SRRM4: variants seen among roughly 807,000 people sequenced by gnomAD.
The protein encoded by SRRM4 is serine/arginine repetitive matrix protein 4.
SRRM4 carries 33 observed loss-of-function variants against 68.9 expected under a neutral mutation model. That is an observed-to-expected ratio of 0.48 (90% CI 0.36 to 0.64). The LOEUF (loss-of-function observed/expected upper bound fraction) is 0.64, where lower values mean the gene tolerates loss of function less well. Ranked by LOEUF, SRRM4 falls within the 30% of genes least tolerant of loss-of-function variation. SRRM4 has a pLI of 0.00. For missense variants in SRRM4, 817 were observed against 827.1 expected (o/e 0.99, Z 0.15); for synonymous variants, 318 against 318.8 (o/e 1.00, Z 0.03).
intron 1 of SRRM4, among the ~76,000 whole-genome samples, chr12:118,998,484 C>T (rs755230195): frequency 6.6e-6 from 1 of 152,138 alleles, no homozygotes. Flanking sequence ...TTTCCCCCAC[C>T]TGGAAGGGGA....
intron 1 of SRRM4, among the ~76,000 whole-genome samples, chr12:119,099,393 C>A (rs1318114136): frequency 1.3e-5 from 2 of 152,186 alleles, no homozygotes; most frequent in Non-Finnish European, 2.9e-5. Context: ...CTCGGCCTCC[C>A]GAAGTGCTGG....
chr12:119,124,674 T>C (rs1954245877), intron 6 of SRRM4, among the ~76,000 whole-genome samples: 1 of 152,186 alleles, frequency 6.6e-6, no homozygotes, highest in African/African-American at 2.4e-5. Context: ...GTTGTTCTAA[T>C]TTTTGTTTTT....
chr12:119,057,501 C>T (rs1011039850), intron 1 of SRRM4, among the ~76,000 whole-genome samples: 11 of 152,214 alleles, frequency 7.2e-5, no homozygotes, highest in Admixed American at 3.9e-4. Flanking sequence ...CAGCTCCAAC[C>T]GTGTCCCTGC....
chr12:119,093,600 C>G lies in SRRM4; in HGVS notation c.132-8636C>G, dbSNP rs549978344. ...AACTGTGTCTGCAATTCCAGCTGATCCCCAGGGGACCCTGGGCTGGAAGGA... is the reference window on the plus strand; with the variant it reads ...AACTGTGTCTGCAATTCCAGCTGATGCCCAGGGGACCCTGGGCTGGAAGGA... On this transcript the variant is annotated intron_variant, in intron 1 of 12. Transcript: ENST00000267260. Among the ~76,000 whole-genome samples, 299 of 152,322 alleles carry G rather than the reference C, an allele frequency of 2.0e-3. 1 individual carries two copies. Among genetic ancestry groups the G allele is most frequent in the Non-Finnish European group, 3.6e-3 (245 of 68,028 alleles).
intron 1 of SRRM4, among the ~76,000 whole-genome samples, chr12:119,021,740 C>T (rs781511150): frequency 2.0e-5 from 3 of 152,182 alleles, no homozygotes; most frequent in Non-Finnish European, 4.4e-5. Flanking sequence ...TCATCCATGT[C>T]TCTGCCAAAG....
rs557138119 is a variant in SRRM4 at position 119,068,517 on chromosome 12, G to A, written c.132-33719G>A. ...GCTGGGCAGCTGCAGTGAGGGTGGG[G>A]GCGCCTCATCCAAACTCCACTTTCT... On this transcript the variant is annotated intron_variant, in intron 1 of 12. Transcript: ENST00000267260. Among the ~76,000 whole-genome samples the A allele has an allele frequency of 3.3e-5, 5 of 152,266 alleles. 1 individual carries two copies. In the South Asian group the frequency reaches 8.3e-4, roughly 25 times the overall value.
At position 119,156,489 on chromosome 12, in the gene SRRM4, C is replaced by T; in HGVS notation, c.1533-6C>T. 1 of 1,595,948 alleles carries T rather than the reference C, an allele frequency of 6.3e-7. No homozygotes were observed. The highest frequency in any genetic ancestry group is 8.5e-7 in the Non-Finnish European group (1 of 1,171,116). On this transcript the variant is annotated splice_region_variant and splice_polypyrimidine_tract_variant and intron_variant, in intron 12 of 12. Coordinates refer to ENST00000267260, the MANE Select transcript of SRRM4 (RefSeq NM_194286.4). ...CCCTCATCCCTCCTCTCTCTGGTCTCTGCAGTGCCCGGAAACGCCCCATCC... is the reference window on the plus strand; with the variant it reads ...CCCTCATCCCTCCTCTCTCTGGTCTTTGCAGTGCCCGGAAACGCCCCATCC...
chr12:119,061,131 T>C (rs936673805), intron 1 of SRRM4, among the ~76,000 whole-genome samples: 2 of 152,090 alleles, frequency 1.3e-5, no homozygotes, highest in African/African-American at 4.8e-5. Context: ...AGCAGAAAAG[T>C]CCTTGAAGGT....
chr12:119,065,916 A>G (rs1400964088), intron 1 of SRRM4, among the ~76,000 whole-genome samples: 2 of 151,934 alleles, frequency 1.3e-5, no homozygotes, highest in African/African-American at 2.4e-5. Context: ...AAGTGGGTGA[A>G]TTAATGAAGG....
chr12:119,125,585 C>A (rs1954253413), intron 7 of SRRM4, 106 bp downstream of exon 7: 1 of 977,222 alleles, frequency 1.0e-6, no homozygotes, highest in East Asian at 2.8e-5. Flanking sequence ...GGGTTTGGCC[C>A]CCTTCCTCAG....
Position 119,125,374 on chromosome 12 carries a change from C to G in SRRM4, c.516-7C>G. On this transcript the variant is annotated splice_region_variant and splice_polypyrimidine_tract_variant and intron_variant, in intron 6 of 12. Coordinates refer to ENST00000267260, the MANE Select transcript of SRRM4 (RefSeq NM_194286.4). ...TCCTCTGACTCGTTCCTTCTCATCC[C>G]CCCAAGATCTCGAAGCCGGCCCCGA... 6.2e-7 allele frequency: 1 copy of G among 1,612,006 alleles called. No homozygotes were observed. The highest frequency in any genetic ancestry group is 8.5e-7 in the Non-Finnish European group (1 of 1,178,794).
At chr12:119,002,280 C>T (rs1242406282) in intron 1 of SRRM4, among the ~76,000 whole-genome samples, 1 of 152,070 alleles carries the variant, frequency 6.6e-6, no homozygotes, top group African/African-American at 2.4e-5. Flanking sequence ...GTTACCTGCT[C>T]TGACGGTTTT....
chr12:119,039,030 G>A (rs994553639), intron 1 of SRRM4, among the ~76,000 whole-genome samples: 35 of 152,200 alleles, frequency 2.3e-4, no homozygotes, highest in African/African-American at 8.4e-4. Flanking sequence ...ACTGAACAGG[G>A]AGCTGAAGAA....
At position 119,122,138 on chromosome 12, in the gene SRRM4, G is replaced by A; in HGVS notation, c.515+18G>A. 6.4e-7 allele frequency: 1 copy of A among 1,571,908 alleles called. No homozygotes were observed. The highest frequency in any genetic ancestry group is 8.8e-7 in the Non-Finnish European group (1 of 1,141,704). On this transcript the variant is annotated intron_variant, in intron 6 of 12. Coordinates refer to ENST00000267260, the MANE Select transcript of SRRM4 (RefSeq NM_194286.4). ...AAGAAACAGTAAGTAGATACTACCTGGAATGTACTCATCAGTTTGAGGAGT... is the reference window on the plus strand; with the variant it reads ...AAGAAACAGTAAGTAGATACTACCTAGAATGTACTCATCAGTTTGAGGAGT...
intron 1 of SRRM4, among the ~76,000 whole-genome samples, chr12:119,070,324 G>A (rs1387008069): frequency 6.6e-6 from 1 of 151,952 alleles, no homozygotes; most frequent in Non-Finnish European, 1.5e-5. Context: ...ACTGTTCTAA[G>A]CATGAGGGAT....
chr12:119,085,554 T>C (rs1953974957), intron 1 of SRRM4, among the ~76,000 whole-genome samples: 1 of 152,212 alleles, frequency 6.6e-6, no homozygotes, highest in Admixed American at 6.5e-5. Context: ...CAGCTGAGAA[T>C]GACAAACCTA....
intron 5 of SRRM4, 56 bp from the exon 6 acceptor site, chr12:119,122,014 G>A (rs1184277778): frequency 2.6e-6 from 3 of 1,166,354 alleles, no homozygotes; most frequent in African/African-American, 3.0e-5. Context: ...TTAACTACTT[G>A]TTTATCTTTA....
chr12:119,070,501 C>T (rs1291513483), intron 1 of SRRM4, among the ~76,000 whole-genome samples: 4 of 152,034 alleles, frequency 2.6e-5, no homozygotes, highest in Non-Finnish European at 4.4e-5. Flanking sequence ...GTTGAGTGCC[C>T]AGATCTCCAA....
chr12:119,040,030 A>G (rs1027106168), intron 1 of SRRM4, among the ~76,000 whole-genome samples: 1 of 152,132 alleles, frequency 6.6e-6, no homozygotes, highest in Non-Finnish European at 1.5e-5. Flanking sequence ...AAGATCAGAA[A>G]TGTTAGTTAT....
Sources: allele counts gnomAD v4.1 joint callset (sites outside exome capture counted in the v4.1 genomes callset), GRCh38; gene constraint gnomAD v4.1.1; transcripts MANE v1.5; gene names NCBI Gene and HGNC (gene_info 2026-07-23, HGNC 2026-07-21).